The following BICC1 variants were observed in gnomAD, a reference collection of about 807,000 sequenced individuals.
BICC1 encodes protein bicaudal C homolog 1.
BICC1 carries 43 observed loss-of-function variants against 111.0 expected under a neutral mutation model. The observed-to-expected ratio is 0.39, with a 90% CI of 0.30 to 0.50. The LOEUF (loss-of-function observed/expected upper bound fraction) is 0.50. Among genes scored for constraint, BICC1 ranks in the 20% least tolerant of loss-of-function variants. The pLI, the probability that BICC1 is intolerant of heterozygous loss-of-function variation, is 0.88. For synonymous variants in BICC1, 467 were observed against 434.4 expected, an observed-to-expected ratio of 1.07 and a Z score of -0.93; for missense variants, 1,091 against 1,203.2, an observed-to-expected ratio of 0.91 and a Z score of 1.38.
intron 2 of BICC1, among the ~76,000 whole-genome samples, chr10:58,627,102 C>CA (rs547590404): frequency 4.2e-4 from 58 of 139,628 alleles, no homozygotes; most frequent in Non-Finnish European, 4.9e-4. Context: ...AACTCCATCT[C>CA]AAAAAAAAAA....
At chr10:58,537,063 A>G (rs553816717) in intron 1 of BICC1, among the ~76,000 whole-genome samples, 1 of 149,478 alleles carries the variant, frequency 6.7e-6, no homozygotes, top group Non-Finnish European at 1.5e-5. Context: ...TAAACAAACA[A>G]ACAAACCAAA....
chr10:58,576,528 C>T (rs1008979934), intron 1 of BICC1, among the ~76,000 whole-genome samples: 1 of 152,154 alleles, frequency 6.6e-6, no homozygotes, highest in African/African-American at 2.4e-5. Context: ...TGCCACTGTG[C>T]ATTCCTGCAT....
chr10:58,698,624 G>A (rs931557572), intron 2 of BICC1, among the ~76,000 whole-genome samples: 3 of 152,118 alleles, frequency 2.0e-5, no homozygotes, highest in African/African-American at 7.2e-5. Context: ...CTGAGCTCCT[G>A]CAAGGTAGGA....
At chr10:58,542,096 A>T (rs1842998575) in intron 1 of BICC1, among the ~76,000 whole-genome samples, 3 of 144,440 alleles carry the variant, frequency 2.1e-5, no homozygotes, top group Non-Finnish European at 4.5e-5. Flanking sequence ...GGCAGCAGAG[A>T]GCTGTGATCA....
chr10:58,615,769 A>G lies in BICC1; in HGVS notation c.191-5086A>G, dbSNP rs536062977. Among the ~76,000 whole-genome samples, 9 of 152,242 alleles carry G rather than the reference A, an allele frequency of 5.9e-5. No individual in the cohort carries two copies. The East Asian group carries it at 1.7e-3, about 29-fold the overall frequency. On this transcript the variant is annotated intron_variant, in intron 1 of 20. Transcript: ENST00000373886. ...TCCAGGTTGGGCATGTGACTGCAAC[A>G]TGAGTTATGGTGCCCAGTGGCAGCT...
chr10:58,766,024 G>A (rs1842446562), intron 3 of BICC1, among the ~76,000 whole-genome samples: 1 of 152,184 alleles, frequency 6.6e-6, no homozygotes, highest in South Asian at 2.1e-4. Flanking sequence ...AATTTGCATT[G>A]TGTTACTGGA....
chr10:58,613,113 C>G (rs1845487421), intron 1 of BICC1, among the ~76,000 whole-genome samples: 1 of 152,138 alleles, frequency 6.6e-6, no homozygotes, highest in African/African-American at 2.4e-5. Flanking sequence ...ATGAATCGTT[C>G]AGCTTAAAAT....
chr10:58,531,272 T>C (rs1160527576), intron 1 of BICC1, among the ~76,000 whole-genome samples: 2 of 151,784 alleles, frequency 1.3e-5, no homozygotes, highest in Non-Finnish European at 1.5e-5. Context: ...AAAATACCCG[T>C]AGTACTGCAA....
chr10:58,571,375 C>CAT (rs543846437), intron 1 of BICC1, among the ~76,000 whole-genome samples: 355 of 152,026 alleles, frequency 2.3e-3, no homozygotes, highest in African/African-American at 8.2e-3. Flanking sequence ...GCAGGATGCA[C>CAT]AGGTTTGTTA....
intron 2 of BICC1, among the ~76,000 whole-genome samples, chr10:58,645,462 A>G (rs1057397212): frequency 1.3e-5 from 2 of 150,020 alleles, no homozygotes; most frequent in African/African-American, 4.9e-5. Flanking sequence ...AATTAGAACC[A>G]GATTGGCATT....
chr10:58,749,549 G>A (rs752133208), intron 3 of BICC1, among the ~76,000 whole-genome samples: 15 of 152,136 alleles, frequency 9.9e-5, no homozygotes, highest in Middle Eastern at 3.4e-3. Context: ...ACTTAATTTC[G>A]TATAATTCAG....
chr10:58,601,031 T>C (rs1014028795), intron 1 of BICC1, among the ~76,000 whole-genome samples: 1 of 151,028 alleles, frequency 6.6e-6, no homozygotes, highest in Admixed American at 6.6e-5. Context: ...ATCCTTTTTT[T>C]CTCACAAATG....
chr10:58,826,616 A>G (rs1317450298), intron 20 of BICC1, among the ~76,000 whole-genome samples: 1 of 152,236 alleles, frequency 6.6e-6, no homozygotes, highest in African/African-American at 2.4e-5. Context: ...AAAATTAGCC[A>G]GGTGTGGTGG....
intron 2 of BICC1, among the ~76,000 whole-genome samples, chr10:58,672,791 CTG>C (rs113160552): frequency 2.6e-5 from 4 of 152,238 alleles, no homozygotes; most frequent in African/African-American, 9.6e-5. Context: ...TACCTGAAAA[CTG>C]TATGCCATTT....
chr10:58,724,967 A>T (rs546540825), intron 3 of BICC1, among the ~76,000 whole-genome samples: 1 of 152,222 alleles, frequency 6.6e-6, no homozygotes, highest in Non-Finnish European at 1.5e-5. Context: ...CCAGTGTCTC[A>T]TTTGAGGTTA....
Position 58,524,846 on chromosome 10 carries a change from A to T in BICC1, c.190+11513A>T, listed in dbSNP as rs930466201. The stretch of plus-strand genomic sequence containing the variant: ...GGGCTAATATCCAGAACCTACAATG[A>T]ACTCCAACAAATTTACAAGAAAAAA... On this transcript the variant is annotated intron_variant, in intron 1 of 20. Transcript: ENST00000373886. Among the ~76,000 whole-genome samples the T allele has an allele frequency of 2.0e-5, 3 of 152,192 alleles. No individual in the cohort carries two copies. The East Asian group carries it at 5.8e-4, about 29-fold the overall frequency.
chr10:58,547,132 T>C (rs1843162001), intron 1 of BICC1, among the ~76,000 whole-genome samples: 1 of 152,204 alleles, frequency 6.6e-6, no homozygotes, highest in African/African-American at 2.4e-5. Flanking sequence ...AATGAGCCAG[T>C]AATGATGCAT....
intron 1 of BICC1, among the ~76,000 whole-genome samples, chr10:58,612,347 C>G (rs1845454513): frequency 6.6e-6 from 1 of 152,108 alleles, no homozygotes; most frequent in Non-Finnish European, 1.5e-5. Context: ...GTGCTGATTC[C>G]TCTTTCACTT....
intron 1 of BICC1, among the ~76,000 whole-genome samples, chr10:58,562,483 A>G (rs1390068742): frequency 1.3e-5 from 2 of 151,586 alleles, no homozygotes; most frequent in East Asian, 3.9e-4. Flanking sequence ...TTTTATATCT[A>G]TTTGTGTTGA....
Sources: gnomAD v4.1 joint callset for allele counts (sites outside exome capture counted in the v4.1 genomes callset) on GRCh38, gnomAD v4.1.1 for gene constraint, MANE v1.5 for transcripts, NCBI Gene and HGNC (gene_info 2026-07-23, HGNC 2026-07-21) for gene names.